The following LRP1B variants were observed in gnomAD, a reference collection of about 807,000 sequenced individuals.
The protein encoded by LRP1B is LDL receptor related protein 1B.
A neutral mutation model predicts 556.6 loss-of-function variants in LRP1B; 217 were observed. That is an observed-to-expected ratio of 0.39 (90% confidence interval 0.35 to 0.44). LRP1B has a LOEUF of 0.44. LRP1B is among the 20% of genes least tolerant of loss of function. LRP1B has a pLI of 1.00. For missense variants in LRP1B, 5,053 were observed against 5,620.8 expected, an observed-to-expected ratio of 0.90 and a Z score of 3.23; for synonymous variants, 2,047 against 1,865.8, an observed-to-expected ratio of 1.10 and a Z score of -2.50.
At chr2:141,933,461 G>T (rs992048325) in intron 1 of LRP1B, among the ~76,000 whole-genome samples, 6 of 152,036 alleles carry the variant, frequency 3.9e-5, no homozygotes, top group African/African-American at 1.4e-4. Flanking sequence ...TGGGAATGGG[G>T]TCAAGAGATA....
chr2:142,037,501 G>T (rs1197220390), intron 1 of LRP1B, among the ~76,000 whole-genome samples: 1 of 151,548 alleles, frequency 6.6e-6, no homozygotes, highest in Non-Finnish European at 1.5e-5. Context: ...TGACAACAAA[G>T]CCTGGAAGAG....
Position 141,044,873 on chromosome 2 carries a change from T to G in LRP1B, c.1789+4113A>C, listed in dbSNP as rs776382145. Among the ~76,000 whole-genome samples the G allele has an allele frequency of 1.8e-4, 27 of 151,682 alleles. 1 individual carries two copies. Among genetic ancestry groups the G allele is most frequent in the East Asian group, 1.2e-3 (6 of 5,072 alleles). On this transcript the variant is annotated intron_variant, in intron 11 of 90. Transcript: ENST00000389484. ...GGAAGTCAGTGTGGCGATTCCTCAG[T>G]GATCTGGAACTGGAAATACCATTTG...
chr2:141,700,668 C>G (rs1007488996), intron 2 of LRP1B, among the ~76,000 whole-genome samples: 1 of 151,666 alleles, frequency 6.6e-6, no homozygotes, highest in Non-Finnish European at 1.5e-5. Flanking sequence ...ATCCCTCTTC[C>G]CCAAGGTGAG....
chr2:140,398,484 A>G (rs1684350188), intron 66 of LRP1B, among the ~76,000 whole-genome samples: 1 of 151,986 alleles, frequency 6.6e-6, no homozygotes, highest in African/African-American at 2.4e-5. Flanking sequence ...ATTCTCACAA[A>G]AATCAGATTT....
In LRP1B at chr2:141,174,410, G is replaced by T. The variant is rs553960788; in HGVS notation, c.1013+14011C>A. 1.1e-4 allele frequency among the ~76,000 whole-genome samples: 17 copies of T among 152,166 alleles called. No homozygotes were observed. In the South Asian group the frequency reaches 1.2e-3, roughly 11 times the overall value. ...TGGAATTGCAATCCCTACATGTCAG[G>T]GGAGGGGCCTGGTGGAAGGTGATTG... On this transcript the variant is annotated intron_variant, in intron 7 of 90. Transcript: ENST00000389484.
intron 41 of LRP1B, among the ~76,000 whole-genome samples, chr2:140,638,760 T>C (rs990004778): frequency 4.6e-5 from 7 of 151,646 alleles, no homozygotes; most frequent in African/African-American, 4.8e-5. Context: ...TATAAGTATA[T>C]ACACACACAC....
chr2:141,835,505 G>A, intron 1 of LRP1B, among the ~76,000 whole-genome samples: 1 of 150,956 alleles, frequency 6.6e-6, no homozygotes. Flanking sequence ...GGGGGGAGGG[G>A]AGGGAAGGTG....
intron 11 of LRP1B, among the ~76,000 whole-genome samples, chr2:141,030,884 C>T (rs755599652): frequency 6.6e-6 from 1 of 151,912 alleles, no homozygotes; most frequent in Admixed American, 6.6e-5. Flanking sequence ...GTAGTCATCA[C>T]TCATTTTTTT....
At chr2:141,715,330 A>G (rs72846594) in intron 2 of LRP1B, among the ~76,000 whole-genome samples, 7,985 of 151,926 alleles carry the variant, frequency 0.053, 300 homozygotes, top group Non-Finnish European at 0.076. Context: ...AATCAGCCTG[A>G]TGTGGGGGTA....
intron 77 of LRP1B, among the ~76,000 whole-genome samples, chr2:140,346,270 A>G (rs1483405790): frequency 6.6e-6 from 1 of 151,708 alleles, no homozygotes; most frequent in African/African-American, 2.4e-5. Context: ...TTTATTGTAG[A>G]CTCATATAAT....
Position 140,257,961 on chromosome 2 carries a change from A to T in LRP1B, c.13248-10799T>A, listed in dbSNP as rs144363176. ...TGACAGCAGGACCAGTGAAGAGCAA[A>T]TTGTGCAGCCAGCCTCCTTTCTACA... is the stretch of plus-strand genomic sequence containing the variant. On this transcript the variant is annotated intron_variant, in intron 86 of 90. Transcript: ENST00000389484. 2.6e-3 allele frequency among the ~76,000 whole-genome samples: 402 copies of T among 152,244 alleles called. 2 individuals are homozygous for T. The highest frequency in any genetic ancestry group is 9.3e-3 in the African/African-American group (386 of 41,554).
chr2:141,281,022 A>G (rs1294073061), intron 3 of LRP1B, among the ~76,000 whole-genome samples: 1 of 151,984 alleles, frequency 6.6e-6, no homozygotes, highest in African/African-American at 2.4e-5. Flanking sequence ...ATTCATACTC[A>G]AAATACCAAT....
At chr2:141,852,892 TAA>T (rs199818594) in intron 1 of LRP1B, among the ~76,000 whole-genome samples, 1 of 145,380 alleles carries the variant, frequency 6.9e-6, no homozygotes, top group Non-Finnish European at 1.5e-5. Flanking sequence ...TAAGTATAGT[TAA>T]AAAAAAAAGA....
chr2:140,304,074 G>T (rs776112308), intron 83 of LRP1B, among the ~76,000 whole-genome samples: 2 of 152,176 alleles, frequency 1.3e-5, no homozygotes, highest in African/African-American at 4.8e-5. Context: ...GGACATTTGC[G>T]TTGGTTCCAA....
At chr2:141,251,052 T>C (rs551727503) in intron 4 of LRP1B, among the ~76,000 whole-genome samples, 1 of 152,320 alleles carries the variant, frequency 6.6e-6, no homozygotes, top group East Asian at 1.9e-4. Context: ...GATTTTATAA[T>C]TGTGGAAACT....
chr2:140,237,057 T>C (rs2104878934), intron 89 of LRP1B, among the ~76,000 whole-genome samples: 1 of 151,100 alleles, frequency 6.6e-6, no homozygotes, highest in Middle Eastern at 3.4e-3. Context: ...TATTTTTAAA[T>C]ATACAATACA....
rs370598961 is a variant in LRP1B, at chr2:140,247,493, C to T, written c.13248-331G>A. Among the ~76,000 whole-genome samples the T allele has an allele frequency of 3.0e-4, 45 of 151,674 alleles. 1 individual carries two copies. The South Asian group carries it at 9.1e-3, about 31-fold the overall frequency. On this transcript the variant is annotated intron_variant, in intron 86 of 90. Transcript: ENST00000389484. Reference sequence around the variant, plus strand: ...GAGAGTTATGGAAAATTACAAGTGGCCACTTACAAAAATTGAGTTTGCATA... The same window carrying T: ...GAGAGTTATGGAAAATTACAAGTGGTCACTTACAAAAATTGAGTTTGCATA...
At chr2:140,680,287 G>A (rs546079970) in intron 41 of LRP1B, among the ~76,000 whole-genome samples, 2 of 152,212 alleles carry the variant, frequency 1.3e-5, no homozygotes, top group South Asian at 2.1e-4. Flanking sequence ...TACGTGCACC[G>A]GAGAAAAACT....
chr2:140,475,451 AAT>A (rs1687935690), intron 59 of LRP1B, 114 bp from the exon 60 acceptor site: 1 of 697,180 alleles, frequency 1.4e-6, no homozygotes, highest in African/African-American at 1.8e-5. Flanking sequence ...CATTTTTCTG[AAT>A]TGCAGCTTTT....
Sources: gnomAD v4.1 joint callset for allele counts (sites outside exome capture counted in the v4.1 genomes callset) on GRCh38, gnomAD v4.1.1 for gene constraint, MANE v1.5 for transcripts, NCBI Gene and HGNC (gene_info 2026-07-23, HGNC 2026-07-21) for gene names.